The following CYB5A variants were observed in gnomAD, a reference collection of about 807,000 sequenced individuals.
CYB5A encodes the protein cytochrome b5.
A neutral mutation model predicts 16.2 loss-of-function variants in CYB5A; 10 were observed. The ratio of observed to expected loss-of-function variants is 0.62; its 90% CI spans 0.38 to 1.04. The LOEUF (loss-of-function observed/expected upper bound fraction) is 1.04, where lower values mean the gene tolerates loss of function less well. Ranked by LOEUF, CYB5A falls within the 50% of genes least tolerant of loss-of-function variation. CYB5A has a pLI of 0.01. For missense variants in CYB5A, 161 were observed against 165.9 expected, an observed-to-expected ratio of 0.97 and a Z score of 0.16; for synonymous variants, 62 against 57.0, an observed-to-expected ratio of 1.09 and a Z score of -0.40.
intron 1 of CYB5A, among the ~76,000 whole-genome samples, chr18:74,274,263 C>T (rs556127753): frequency 1.5e-3 from 230 of 152,218 alleles, no homozygotes; most frequent in Non-Finnish European, 2.8e-3. Context: ...ATATACACAA[C>T]GAGCGATGTT....
intron 1 of CYB5A, among the ~76,000 whole-genome samples, chr18:74,267,653 G>A (rs1982495349): frequency 6.6e-6 from 1 of 152,112 alleles, no homozygotes; most frequent in South Asian, 2.1e-4. Flanking sequence ...AGAATAACAG[G>A]TAAGTAAACT....
At chr18:74,288,970 T>C (rs558255328) in intron 1 of CYB5A, among the ~76,000 whole-genome samples, 259 of 152,196 alleles carry the variant, frequency 1.7e-3, no homozygotes, top group Non-Finnish European at 2.7e-3. Flanking sequence ...GAACCACATG[T>C]TGGCAGACAG....
chr18:74,287,697 A>G (rs1364492035), intron 1 of CYB5A, among the ~76,000 whole-genome samples: 1 of 152,208 alleles, frequency 6.6e-6, no homozygotes, highest in Non-Finnish European at 1.5e-5. Flanking sequence ...ACAAAAAGAC[A>G]TTCTGCTTTA....
At chr18:74,282,241 T>C (rs527285145) in intron 1 of CYB5A, among the ~76,000 whole-genome samples, 1 of 152,338 alleles carries the variant, frequency 6.6e-6, no homozygotes, top group Non-Finnish European at 1.5e-5. Context: ...CACACTAGCA[T>C]GTGCCGTGTG....
At chr18:74,274,157 A>G (rs1982778098) in intron 1 of CYB5A, among the ~76,000 whole-genome samples, 1 of 152,292 alleles carries the variant, frequency 6.6e-6, no homozygotes, top group Non-Finnish European at 1.5e-5. Flanking sequence ...TAATAGCACA[A>G]TAGTGCGAAT....
At chr18:74,289,406 T>C (rs28576684) in intron 1 of CYB5A, among the ~76,000 whole-genome samples, 3,788 of 152,272 alleles carry the variant, frequency 0.025, 164 homozygotes, top group African/African-American at 0.083. Context: ...GTAACCTTAG[T>C]AATTCTCAAG....
intron 1 of CYB5A, among the ~76,000 whole-genome samples, chr18:74,268,054 C>G (rs1982515854): frequency 6.6e-6 from 1 of 152,216 alleles, no homozygotes. Flanking sequence ...TTATTATGCA[C>G]TTGAGTTAAT....
At chr18:74,282,261 G>C (rs1446149278) in intron 1 of CYB5A, among the ~76,000 whole-genome samples, 5 of 152,184 alleles carry the variant, frequency 3.3e-5, no homozygotes, top group Non-Finnish European at 7.4e-5. Flanking sequence ...GTGGAAAAAG[G>C]GGGTAAAATA....
chr18:74,278,759 C>G (rs564696185), intron 1 of CYB5A, among the ~76,000 whole-genome samples: 1 of 152,320 alleles, frequency 6.6e-6, no homozygotes, highest in East Asian at 1.9e-4. Flanking sequence ...GTTAGAATTT[C>G]CTCTTCTTGA....
At chr18:74,256,328 CG>C (rs113706002) in intron 3 of CYB5A, 12,725 of 171,394 alleles carry the variant, frequency 0.074, 1,232 homozygotes, top group African/African-American at 0.23. Flanking sequence ...TCTGACCAGA[CG>C]GAACCAGCAA....
chr18:74,275,428 A>C (rs1599260079), intron 1 of CYB5A, among the ~76,000 whole-genome samples: 1 of 152,238 alleles, frequency 6.6e-6, no homozygotes, highest in South Asian at 2.1e-4. Flanking sequence ...GCCTCCGAGC[A>C]CCAGGATGAG....
At chr18:74,272,701 C>T (rs1486130019) in intron 1 of CYB5A, among the ~76,000 whole-genome samples, 2 of 152,110 alleles carry the variant, frequency 1.3e-5, no homozygotes, top group Non-Finnish European at 2.9e-5. Flanking sequence ...GGCAGATCAC[C>T]TGAGGTCAGG....
At chr18:74,284,790 G>A (rs893292723) in intron 1 of CYB5A, among the ~76,000 whole-genome samples, 1 of 152,108 alleles carries the variant, frequency 6.6e-6, no homozygotes, top group Admixed American at 6.5e-5. Flanking sequence ...GTCAGTGCTG[G>A]TTCAGATGCC....
chr18:74,291,831 C>T lies in CYB5A; in HGVS notation c.45G>A (p.Glu15=). ...SDEAVKYYTL[E]EIQKHNHSKS... Reference sequence around the variant, plus strand: ...TGCTGTGGTTGTGCTTCTGAATCTCCTCTAGGGTGTAGTACTTCACGGCCT... The same window carrying T: ...TGCTGTGGTTGTGCTTCTGAATCTCTTCTAGGGTGTAGTACTTCACGGCCT... The change falls in exon 1 of 5, where the codon GAG becomes GAA. Residue 15 remains glutamate, a synonymous_variant. Coordinates refer to ENST00000340533, the MANE Select transcript of CYB5A (RefSeq NM_148923.4). 6.2e-7 allele frequency: 1 copy of T among 1,613,902 alleles called. No homozygotes were observed. The highest frequency in any genetic ancestry group is 2.2e-5 in the East Asian group (1 of 44,846).
intron 3 of CYB5A, chr18:74,257,104 AT>A (rs1982016029): frequency 1.1e-5 from 5 of 475,094 alleles, no homozygotes; most frequent in Non-Finnish European, 1.9e-5. Context: ...AAGGTAAAAT[AT>A]GATTGTCAAA....
At chr18:74,263,644 T>A (rs1333133447) in intron 1 of CYB5A, among the ~76,000 whole-genome samples, 167 bp from the exon 2 acceptor site, 1 of 152,180 alleles carries the variant, frequency 6.6e-6, no homozygotes, top group East Asian at 1.9e-4. Flanking sequence ...GGCCTTTATA[T>A]TCCATTTCCA....
chr18:74,271,514 G>C (rs1982667854), intron 1 of CYB5A, among the ~76,000 whole-genome samples: 1 of 152,078 alleles, frequency 6.6e-6, no homozygotes. Context: ...ATGTTCCCCA[G>C]ATTAATCAAG....
intron 1 of CYB5A, among the ~76,000 whole-genome samples, chr18:74,272,200 T>C (rs1420221158): frequency 6.6e-6 from 1 of 152,196 alleles, no homozygotes; most frequent in Non-Finnish European, 1.5e-5. Context: ...TCCTTAAACC[T>C]TTCCTAAGCA....
intron 1 of CYB5A, among the ~76,000 whole-genome samples, chr18:74,278,653 C>T (rs1008427957): frequency 1.3e-5 from 2 of 152,208 alleles, no homozygotes; most frequent in African/African-American, 4.8e-5. Flanking sequence ...AAATAATAGA[C>T]ATTTCTACAT....
Sources: gnomAD v4.1 joint callset for allele counts (sites outside exome capture counted in the v4.1 genomes callset) on GRCh38, gnomAD v4.1.1 for gene constraint, MANE v1.5 for transcripts, NCBI Gene and HGNC (gene_info 2026-07-23, HGNC 2026-07-21) for gene names.